The following RELN variants were observed in gnomAD, a reference collection of about 807,000 sequenced individuals.
RELN encodes reelin.
RELN carries 108 observed loss-of-function variants against 427.6 expected under a neutral mutation model. The observed-to-expected ratio is 0.25, with a 90% confidence interval of 0.22 to 0.30. The LOEUF is 0.30. RELN is among the 10% of genes least tolerant of loss of function. The pLI, the probability that RELN is intolerant of heterozygous loss-of-function variation, is 1.00. For missense variants in RELN, 3,715 were observed against 4,302.8 expected, an observed-to-expected ratio of 0.86 and a Z score of 3.82; for synonymous variants, 1,524 against 1,513.4, an observed-to-expected ratio of 1.01 and a Z score of -0.16.
chr7:103,876,916 C>T (rs1445856339), intron 2 of RELN, among the ~76,000 whole-genome samples: 3 of 151,950 alleles, frequency 2.0e-5, no homozygotes, highest in African/African-American at 7.3e-5. Context: ...CACTAACAGC[C>T]TCTATGCTGC....
At chr7:103,551,923 C>CTCTG (rs1554376268) in intron 40 of RELN, among the ~76,000 whole-genome samples, 2 of 130,876 alleles carry the variant, frequency 1.5e-5, no homozygotes, top group African/African-American at 6.1e-5. Context: ...TAGTTACCTT[C>CTCTG]TGTGTGTGTG....
At chr7:103,683,186 A>T (rs1425437739) in intron 10 of RELN, among the ~76,000 whole-genome samples, 1 of 152,150 alleles carries the variant, frequency 6.6e-6, no homozygotes, top group Non-Finnish European at 1.5e-5. Flanking sequence ...GAGATGAAAA[A>T]AACCAACTGG....
At chr7:103,775,963 A>C (rs1791728081) in intron 4 of RELN, among the ~76,000 whole-genome samples, 2 of 151,642 alleles carry the variant, frequency 1.3e-5, no homozygotes, top group African/African-American at 4.9e-5. Flanking sequence ...CTCAAGGGAT[A>C]GGGGGAACAA....
intron 1 of RELN, among the ~76,000 whole-genome samples, chr7:103,965,911 G>C (rs548226612): frequency 2.6e-5 from 4 of 152,136 alleles, no homozygotes; most frequent in African/African-American, 9.6e-5. Flanking sequence ...CTTAACATTT[G>C]AATTATTCAT....
intron 1 of RELN, among the ~76,000 whole-genome samples, 166 bp from the exon 2 acceptor site, chr7:103,917,351 A>C (rs539106690): frequency 6.6e-6 from 1 of 152,290 alleles, no homozygotes; most frequent in East Asian, 1.9e-4. Context: ...GAGAATAAAG[A>C]AGCTCGGAAC....
chr7:103,556,865 G>T, intron 38 of RELN, 112 bp downstream of exon 38: 1 of 869,764 alleles, frequency 1.1e-6, no homozygotes, highest in Non-Finnish European at 2.0e-6. Flanking sequence ...AAATGTGTGT[G>T]CTGTGGACAG....
At chr7:103,949,942 A>G (rs972744724) in intron 1 of RELN, among the ~76,000 whole-genome samples, 2 of 152,256 alleles carry the variant, frequency 1.3e-5, no homozygotes, top group Admixed American at 6.5e-5. Context: ...CTTATAGCAC[A>G]TAAGAAACCA....
chr7:103,553,587 G>A (rs1830458562), intron 39 of RELN, 24 bp from the exon 40 acceptor site: 1 of 1,613,038 alleles, frequency 6.2e-7, no homozygotes, highest in African/African-American at 1.3e-5. Context: ...AAACAACCAG[G>A]AATCCATTTA....
At chr7:103,674,880 C>T (rs149951893) in intron 11 of RELN, among the ~76,000 whole-genome samples, 4,025 of 152,208 alleles carry the variant, frequency 0.026, 56 homozygotes, top group Non-Finnish European at 0.036. Flanking sequence ...ATTGATGGGA[C>T]GTATCTCAAA....
chr7:103,723,326 C>T, intron 7 of RELN, 135 bp from the exon 8 acceptor site: 1 of 670,608 alleles, frequency 1.5e-6, no homozygotes, highest in South Asian at 1.6e-5. Context: ...TTGCATTTAT[C>T]CAGTTGTTAG....
chr7:103,659,302 C>G (rs1170547691), intron 12 of RELN, among the ~76,000 whole-genome samples: 1 of 152,010 alleles, frequency 6.6e-6, no homozygotes, highest in Non-Finnish European at 1.5e-5. Context: ...TTTTCTAAAA[C>G]ACAGGTGATA....
At chr7:103,597,524 A>G (rs1831565789) in intron 24 of RELN, among the ~76,000 whole-genome samples, 1 of 151,998 alleles carries the variant, frequency 6.6e-6, no homozygotes, top group Admixed American at 6.6e-5. Context: ...AATCACTTAA[A>G]CCTGGGAGAT....
At chr7:103,794,385 A>G (rs1792245874) in intron 3 of RELN, among the ~76,000 whole-genome samples, 1 of 152,112 alleles carries the variant, frequency 6.6e-6, no homozygotes, top group Non-Finnish European at 1.5e-5. Context: ...AACCATCACT[A>G]TCAGCAAGCT....
intron 2 of RELN, among the ~76,000 whole-genome samples, chr7:103,855,564 T>G (rs1355524960): frequency 2.0e-5 from 3 of 152,200 alleles, no homozygotes; most frequent in Admixed American, 6.5e-5. Flanking sequence ...GGATTTTGAT[T>G]TGAATTCCTT....
chr7:103,798,770 G>T (rs898190813), intron 3 of RELN, among the ~76,000 whole-genome samples: 3 of 152,120 alleles, frequency 2.0e-5, no homozygotes, highest in Non-Finnish European at 4.4e-5. Flanking sequence ...ATAATGCCAG[G>T]CTCTATTTTA....
At chr7:103,944,031 A>G (rs1443674768) in intron 1 of RELN, among the ~76,000 whole-genome samples, 1 of 151,960 alleles carries the variant, frequency 6.6e-6, no homozygotes, top group African/African-American at 2.4e-5. Flanking sequence ...TTTGATGGCT[A>G]TAGTAGGACT....
chr7:103,720,330 C>T (rs927111250), intron 8 of RELN, among the ~76,000 whole-genome samples: 2 of 151,798 alleles, frequency 1.3e-5, no homozygotes, highest in Non-Finnish European at 2.9e-5. Context: ...ATTTGTTATG[C>T]AACTGAAAAT....
At chr7:103,764,790 C>G (rs889571233) in intron 4 of RELN, among the ~76,000 whole-genome samples, 3 of 146,922 alleles carry the variant, frequency 2.0e-5, no homozygotes, top group African/African-American at 7.7e-5. Flanking sequence ...AAGCCGAGAT[C>G]GCACCACTGC....
intron 47 of RELN, 70 bp from the exon 48 acceptor site, chr7:103,522,269 G>A: frequency 6.9e-7 from 1 of 1,457,348 alleles, no homozygotes; most frequent in Non-Finnish European, 9.6e-7. Context: ...TCTCAAATTA[G>A]TGAAGACTAC....
Sources: allele counts gnomAD v4.1 joint callset (sites outside exome capture counted in the v4.1 genomes callset), GRCh38; gene constraint gnomAD v4.1.1; transcripts MANE v1.5; gene names NCBI Gene and HGNC (gene_info 2026-07-23, HGNC 2026-07-21).